Variants in DMD observed in about 807,000 individuals in gnomAD.
The protein encoded by DMD is dystrophin.
In DMD, 63 loss-of-function variants were observed where a neutral mutation model predicts 330.1. The ratio of observed to expected loss-of-function variants is 0.19; its 90% CI spans 0.16 to 0.24. The LOEUF (loss-of-function observed/expected upper bound fraction) is 0.24, where lower values mean the gene tolerates loss of function less well. Among genes scored for constraint, DMD ranks in the 10% least tolerant of loss-of-function variants. The probability of loss-of-function intolerance (pLI) is 1.00; values close to 1 mark genes in which losing one functional copy is unlikely to be tolerated. For missense variants in DMD, 3,344 were observed against 2,684.1 expected, an observed-to-expected ratio of 1.25 and a Z score of -5.43; for synonymous variants, 1,223 against 959.8, an observed-to-expected ratio of 1.27 and a Z score of -5.07.
chrX:32,657,403 G>A (rs1159178540), intron 9 of DMD, among the ~76,000 whole-genome samples: 1 of 112,107 alleles, frequency 8.9e-6, no homozygotes, highest in Admixed American at 9.5e-5. Context: ...AAATTTATTA[G>A]ATGGCACATG....
intron 7 of DMD, among the ~76,000 whole-genome samples, chrX:32,783,380 A>C (rs1039229156): frequency 2.8e-5 from 3 of 105,308 alleles, no homozygotes; most frequent in East Asian, 6.0e-4. Flanking sequence ...ATATACACAT[A>C]TATACCATAT....
At chrX:32,691,994 G>A (rs1420985581) in intron 9 of DMD, among the ~76,000 whole-genome samples, 1 of 111,182 alleles carries the variant, frequency 9.0e-6, no homozygotes, top group Non-Finnish European at 1.9e-5. Context: ...GTAGTTGCTA[G>A]AGGCTGTGGA....
At position 32,485,047 on chromosome X, in the gene DMD, A is replaced by G. The variant is rs886497969; in HGVS notation, c.2675T>C (p.Ile892Thr). ...TTTCTCTTTCAGGGCTATGCTTTGA[A>G]TTTTTAATCGTTCAATTTGAGGTTG... The part of the protein sequence containing the change: ...DLQPQIERLK[I>T]QSIALKEKGQ... The change falls in exon 21 of 79, where the codon ATT becomes ACT. Residue 892 changes from isoleucine (I) to threonine (T), a missense_variant. Physicochemically the swap from Ile to Thr is moderately conservative, Grantham distance 89. Transcript: ENST00000357033. The G allele has an allele frequency of 5.0e-6, 6 of 1,211,482 alleles. No individual in the cohort carries two copies. Among genetic ancestry groups the G allele is most frequent in the Non-Finnish European group, 6.7e-6 (6 of 895,295 alleles).
chrX:31,201,016 C>T lies in DMD; in HGVS notation c.9807+2945G>A, dbSNP rs192716373. Among the ~76,000 whole-genome samples, 656 of 111,652 alleles carry T rather than the reference C, an allele frequency of 5.9e-3. 4 individuals carry two copies. The highest frequency in any genetic ancestry group is 9.5e-3 in the Non-Finnish European group (503 of 53,067). On this transcript the variant is annotated intron_variant, in intron 67 of 78. Transcript: ENST00000357033. ...CCACCATTCATATCTTGACTGATTT[C>T]CCCCCAGTCTCATAGAAAACATTTC...
intron 47 of DMD, among the ~76,000 whole-genome samples, chrX:31,916,837 A>G (rs1298281337): frequency 8.9e-6 from 1 of 112,434 alleles, no homozygotes; most frequent in Non-Finnish European, 1.9e-5. Flanking sequence ...TGGGAAAGTT[A>G]TACTTGGGTT....
At chrX:31,371,175 G>A (rs150655749) in intron 60 of DMD, among the ~76,000 whole-genome samples, 57 of 110,606 alleles carry the variant, frequency 5.2e-4, no homozygotes, top group African/African-American at 1.6e-3. Flanking sequence ...GAGGAAACTC[G>A]GTAAAAAGGT....
chrX:31,707,779 C>T (rs73457900), intron 52 of DMD, among the ~76,000 whole-genome samples: 1,509 of 111,163 alleles, frequency 0.014, 17 homozygotes, highest in African/African-American at 0.046. Context: ...CACGTGTTTG[C>T]AAGCTTTCAG....
At chrX:32,333,098 T>A (rs1180667337) in intron 41 of DMD, among the ~76,000 whole-genome samples, 1 of 111,834 alleles carries the variant, frequency 8.9e-6, no homozygotes, top group African/African-American at 3.2e-5. Context: ...CACCTTCTCA[T>A]GTTTCATTGA....
intron 2 of DMD, among the ~76,000 whole-genome samples, chrX:32,862,321 T>C (rs1418705507): frequency 8.9e-6 from 1 of 112,136 alleles, no homozygotes; most frequent in African/African-American, 3.2e-5. Context: ...CTCTATTAAG[T>C]ACACTAGAAA....
Position 33,085,299 on chromosome X carries a change from GCC to G in DMD, c.32-65101_32-65100del, listed in dbSNP as rs1257402711. ...TAAATTAGTGATTCAATTTCTAAAGGCCTTACAAAGATATAATTCAGTATTTT... is the reference window on the plus strand; with the variant it reads ...TAAATTAGTGATTCAATTTCTAAAGGTTACAAAGATATAATTCAGTATTTT... On this transcript the variant is annotated intron_variant, in intron 1 of 78. Coordinates refer to ENST00000357033, the MANE Select transcript of DMD (RefSeq NM_004006.3). Among the ~76,000 whole-genome samples the G allele has an allele frequency of 3.5e-3, 385 of 110,855 alleles. 2 individuals are homozygous for G. The highest frequency in any genetic ancestry group is 0.012 in the African/African-American group (367 of 30,573).
chrX:32,791,112 G>C (rs753847841), intron 7 of DMD, among the ~76,000 whole-genome samples: 7 of 111,518 alleles, frequency 6.3e-5, no homozygotes, highest in Non-Finnish European at 1.3e-4. Flanking sequence ...TACCACCAAA[G>C]CTGGCGTCAA....
chrX:32,010,521 C>T (rs900195993), intron 44 of DMD, among the ~76,000 whole-genome samples: 4 of 111,846 alleles, frequency 3.6e-5, no homozygotes, highest in African/African-American at 1.3e-4. Flanking sequence ...ACTTTGTTGT[C>T]TTCTATCTTC....
chrX:31,980,684 C>A lies in DMD; in HGVS notation c.6439-12170G>T, dbSNP rs764064518. Among the ~76,000 whole-genome samples the A allele has an allele frequency of 5.4e-5, 6 of 111,703 alleles. No individual in the cohort carries two copies. The South Asian group carries it at 2.2e-3, about 41-fold the overall frequency. The stretch of plus-strand genomic sequence containing the variant: ...CCTGCCACAGTATAAGTTACTGTCA[C>A]ACCCAGTAAGAAAGCGTGGAAAATA... On this transcript the variant is annotated intron_variant, in intron 44 of 78. Transcript: ENST00000357033.
chrX:31,806,493 T>C (rs748092339), intron 50 of DMD, among the ~76,000 whole-genome samples: 4 of 112,849 alleles, frequency 3.5e-5, no homozygotes, highest in Non-Finnish European at 7.5e-5. Context: ...TTCAATATTT[T>C]GTTTTCTTCA....
intron 1 of DMD, among the ~76,000 whole-genome samples, chrX:33,328,037 C>A (rs778149796): frequency 5.4e-5 from 6 of 111,446 alleles, no homozygotes; most frequent in Non-Finnish European, 1.1e-4. Context: ...TGTTCTTCAT[C>A]CACTATAGAA....
chrX:31,294,056 T>TA (rs1378610466), intron 62 of DMD, among the ~76,000 whole-genome samples: 1 of 111,836 alleles, frequency 8.9e-6, no homozygotes, highest in Non-Finnish European at 1.9e-5. Context: ...AAAGCTTAGA[T>TA]AAAAAGTAGG....
chrX:32,317,543 C>G (rs947316759), intron 41 of DMD, among the ~76,000 whole-genome samples: 1 of 111,162 alleles, frequency 9.0e-6, no homozygotes, highest in African/African-American at 3.3e-5. Flanking sequence ...AAAAGCAATC[C>G]TGTTTTGAAA....
intron 1 of DMD, among the ~76,000 whole-genome samples, chrX:33,066,704 A>C (rs2094667621): frequency 9.0e-6 from 1 of 110,737 alleles, no homozygotes; most frequent in Non-Finnish European, 1.9e-5. Context: ...TGCCAGGTTT[A>C]TGTACGGGCA....
At chrX:31,216,596 A>AC (rs1170571008) in intron 64 of DMD, among the ~76,000 whole-genome samples, 2 of 111,697 alleles carry the variant, frequency 1.8e-5, no homozygotes, top group African/African-American at 3.3e-5. Context: ...GCCTCTCGAG[A>AC]CCCCCTTGCT....
Sources: allele counts gnomAD v4.1 joint callset (sites outside exome capture counted in the v4.1 genomes callset), GRCh38; gene constraint gnomAD v4.1.1; transcripts MANE v1.5; gene names NCBI Gene and HGNC (gene_info 2026-07-23, HGNC 2026-07-21).